Variants in RAB31 observed in about 807,000 individuals in gnomAD.
RAB31 encodes the protein RAB31, member RAS oncogene family, also known as ras-related protein Rab-31.
In RAB31, 21 loss-of-function variants were observed where a neutral mutation model predicts 25.6. The ratio of observed to expected loss-of-function variants is 0.82; its 90% confidence interval spans 0.58 to 1.18. RAB31 has a LOEUF of 1.18. Among genes scored for constraint, RAB31 ranks in the 50% most tolerant of loss-of-function variants. RAB31 has a pLI of 0.00. For synonymous variants in RAB31, 87 were observed against 84.0 expected (o/e 1.04, Z -0.20); for missense variants, 196 against 250.1 (o/e 0.78, Z 1.46).
intron 3 of RAB31, among the ~76,000 whole-genome samples, chr18:9,793,985 C>T (rs1424994268): frequency 6.6e-6 from 1 of 152,148 alleles, no homozygotes; most frequent in African/African-American, 2.4e-5. Flanking sequence ...GGCTGGAGTG[C>T]AGTGGTGCAA....
chr18:9,814,389 A>G (rs1382926518), intron 4 of RAB31, among the ~76,000 whole-genome samples: 1 of 152,236 alleles, frequency 6.6e-6, no homozygotes, highest in Non-Finnish European at 1.5e-5. Flanking sequence ...TTATAATTAC[A>G]GAATACTTAT....
At position 9,861,658 on chromosome 18, in the gene RAB31, G is replaced by A. The variant is rs954864301; in HGVS notation, c.*2333G>A. ...CCATAACCATGTAATATTATGTAAA[G>A]GCCTGGAAATTACTGTTGCTAAAAA... is the stretch of plus-strand genomic sequence containing the variant. On this transcript the variant is annotated 3_prime_UTR_variant, in exon 7 of 7. Coordinates refer to ENST00000578921, the MANE Select transcript of RAB31 (RefSeq NM_006868.4). 1 of 152,096 alleles carries A rather than the reference G, an allele frequency of 6.6e-6. No homozygotes were observed. Among genetic ancestry groups the A allele is most frequent in the East Asian group, 1.9e-4 (1 of 5,204 alleles). 9.4% of individuals were successfully genotyped at this position (152,096 alleles called of 1,614,324 possible).
intron 1 of RAB31, among the ~76,000 whole-genome samples, chr18:9,748,600 A>AAAT (rs56322852): frequency 2.4e-4 from 7 of 28,944 alleles, no homozygotes; most frequent in African/African-American, 8.9e-4. Flanking sequence ...TGATATTTAA[A>AAAT]AATATAAGGG....
chr18:9,732,735 G>C (rs1310760522), intron 1 of RAB31, among the ~76,000 whole-genome samples: 4 of 152,216 alleles, frequency 2.6e-5, no homozygotes, highest in Admixed American at 2.6e-4. Context: ...GAACTTTGCA[G>C]GGTGCCGTGA....
At chr18:9,719,687 C>T (rs989759679) in intron 1 of RAB31, among the ~76,000 whole-genome samples, 1 of 151,938 alleles carries the variant, frequency 6.6e-6, no homozygotes. Context: ...TCTGTTATGT[C>T]GCTGCTTTTT....
chr18:9,720,341 A>G (rs1414614213), intron 1 of RAB31, among the ~76,000 whole-genome samples: 2 of 152,302 alleles, frequency 1.3e-5, no homozygotes, highest in East Asian at 1.9e-4. Flanking sequence ...CAGTCTAACA[A>G]TGTCCTTGGC....
At chr18:9,846,965 T>C (rs565839779) in intron 6 of RAB31, among the ~76,000 whole-genome samples, 28 of 152,322 alleles carry the variant, frequency 1.8e-4, no homozygotes, top group African/African-American at 6.3e-4. Context: ...TCCCTTTCTT[T>C]CCTCCTTTGA....
chr18:9,720,899 C>T (rs996432959), intron 1 of RAB31, among the ~76,000 whole-genome samples: 2 of 151,982 alleles, frequency 1.3e-5, no homozygotes. Flanking sequence ...TTTATAGCTT[C>T]GGTGAAATGA....
intron 3 of RAB31, among the ~76,000 whole-genome samples, chr18:9,804,199 T>C (rs940093083): frequency 9.9e-5 from 15 of 152,252 alleles, no homozygotes; most frequent in Non-Finnish European, 1.8e-4. Context: ...GAGACCCTGC[T>C]GTTGCCCTTT....
Position 9,792,286 on chromosome 18 carries a change from C to G in RAB31, c.201+51C>G, listed in dbSNP as rs981042963. ...AAACAAGATCCAGTGAAAATAAGATCAGTTTCTGAAGGTTTGTTTGCATTA... is the reference window on the plus strand; with the variant it reads ...AAACAAGATCCAGTGAAAATAAGATGAGTTTCTGAAGGTTTGTTTGCATTA... On this transcript the variant is annotated intron_variant, in intron 3 of 6. Coordinates refer to ENST00000578921, the MANE Select transcript of RAB31 (RefSeq NM_006868.4). The G allele has an allele frequency of 5.1e-6, 8 of 1,562,460 alleles. No individual in the cohort carries two copies. In the African/African-American group the frequency reaches 9.5e-5, roughly 18 times the overall value.
At chr18:9,794,249 C>A (rs1568180775) in intron 3 of RAB31, among the ~76,000 whole-genome samples, 1 of 152,140 alleles carries the variant, frequency 6.6e-6, no homozygotes, top group Non-Finnish European at 1.5e-5. Flanking sequence ...ATCCAGGATT[C>A]AGGATAATCT....
chr18:9,860,570 A>G lies in RAB31; in HGVS notation c.*1245A>G, dbSNP rs566100039. ...GGAAGAGAACTGATTCCTACTGAAAATTCAAATTCTATTACCATTCTAACT... is the reference window on the plus strand; with the variant it reads ...GGAAGAGAACTGATTCCTACTGAAAGTTCAAATTCTATTACCATTCTAACT... On this transcript the variant is annotated 3_prime_UTR_variant, in exon 7 of 7. Coordinates refer to ENST00000578921, the MANE Select transcript of RAB31 (RefSeq NM_006868.4). 6.6e-6 allele frequency: 1 copy of G among 152,340 alleles called. No homozygotes were observed. The highest frequency in any genetic ancestry group is 1.9e-4 in the East Asian group (1 of 5,186). The allele number at this position is 152,340 out of a possible 1,614,324, so 9.4% of individuals were successfully genotyped here.
intron 4 of RAB31, 132 bp downstream of exon 4, chr18:9,814,223 A>G (rs1193491051): frequency 1.3e-5 from 8 of 609,412 alleles, no homozygotes; most frequent in Non-Finnish European, 2.0e-5. Flanking sequence ...TTTCATGTAT[A>G]TGTAACAAAG....
chr18:9,734,083 G>C (rs2068137151), intron 1 of RAB31, among the ~76,000 whole-genome samples: 1 of 146,462 alleles, frequency 6.8e-6, no homozygotes, highest in Non-Finnish European at 1.5e-5. Context: ...GATGGAAGCT[G>C]GGGGGCAGGG....
intron 1 of RAB31, among the ~76,000 whole-genome samples, chr18:9,710,192 G>A (rs2068009113): frequency 6.6e-6 from 1 of 152,108 alleles, no homozygotes; most frequent in Non-Finnish European, 1.5e-5. Context: ...CTAGGCTCTC[G>A]TTCTTTCCCA....
intron 5 of RAB31, among the ~76,000 whole-genome samples, chr18:9,838,342 C>T (rs1471894197): frequency 6.6e-5 from 10 of 152,162 alleles, no homozygotes; most frequent in Admixed American, 6.5e-4. Context: ...TGAGCCAAAA[C>T]CCATAGTCAA....
intron 3 of RAB31, among the ~76,000 whole-genome samples, chr18:9,812,254 A>G (rs986197750): frequency 6.6e-6 from 1 of 152,212 alleles, no homozygotes; most frequent in African/African-American, 2.4e-5. Context: ...TTCAGTTCAT[A>G]ACATTATACC....
At chr18:9,787,139 C>G (rs2068437554) in intron 2 of RAB31, 1 of 218,298 alleles carries the variant, frequency 4.6e-6, no homozygotes, top group Admixed American at 4.1e-5. Context: ...AGCAATGGTT[C>G]CTCAGTTTCA....
chr18:9,725,582 C>G (rs1398913768), intron 1 of RAB31, among the ~76,000 whole-genome samples: 1 of 152,150 alleles, frequency 6.6e-6, no homozygotes, highest in East Asian at 1.9e-4. Context: ...TTATATGTTA[C>G]AAATTATTTG....
Sources: allele counts gnomAD v4.1 joint callset (sites outside exome capture counted in the v4.1 genomes callset), GRCh38; gene constraint gnomAD v4.1.1; transcripts MANE v1.5; gene names NCBI Gene and HGNC (gene_info 2026-07-23, HGNC 2026-07-21).